WIPF3: variants seen among roughly 807,000 people sequenced by gnomAD.
WIPF3 encodes the protein WAS/WASL interacting protein family member 3.
WIPF3 carries 33 observed loss-of-function variants against 38.9 expected under a neutral mutation model. The observed-to-expected ratio is 0.85, with a 90% CI of 0.64 to 1.14. The LOEUF (loss-of-function observed/expected upper bound fraction) is 1.14. Ranked by LOEUF, WIPF3 falls within the 50% of genes most tolerant of loss-of-function variation. The pLI is 0.00. For missense variants in WIPF3, 711 were observed against 652.5 expected (o/e 1.09, Z -0.98); for synonymous variants, 324 against 269.3 (o/e 1.20, Z -1.99).
At position 29,823,509 on chromosome 7, in the gene WIPF3, A is replaced by C. The variant is rs1464696200; in HGVS notation, c.-57-11159A>C. Among the ~76,000 whole-genome samples the C allele has an allele frequency of 1.3e-5, 2 of 152,184 alleles. No homozygotes were observed. Among genetic ancestry groups the C allele is most frequent in the East Asian group, 3.8e-4 (2 of 5,198 alleles). ...ATATCTCATTTCTAGATTCACATAT[A>C]ACTTTCCCAGTGTTCTGCTAACAAG... On this transcript the variant is annotated intron_variant, in intron 1 of 8. Coordinates refer to ENST00000242140, the MANE Select transcript of WIPF3 (RefSeq NM_001080529.3). This position sits in a 1 kb window ranked among gnomAD's most constrained non-coding sequence, Gnocchi z 4.0.
intron 7 of WIPF3, among the ~76,000 whole-genome samples, chr7:29,898,112 G>A (rs960360031): frequency 2.0e-5 from 3 of 152,158 alleles, no homozygotes; most frequent in Non-Finnish European, 4.4e-5. Flanking sequence ...CACCAGTGGA[G>A]CTCCATGTTG....
At position 29,915,081 on chromosome 7, in the gene WIPF3, T is replaced by G. The variant is rs1786583632; in HGVS notation, c.*565T>G. The G allele has an allele frequency of 2.3e-5, 2 of 86,596 alleles. No individual in the cohort carries two copies. Among genetic ancestry groups the G allele is most frequent in the Admixed American group, 1.1e-4 (1 of 9,426 alleles). 5.4% of individuals were successfully genotyped at this position (86,596 alleles called of 1,614,324 possible). A position where few individuals can be genotyped will look rare whatever the true frequency, so the allele number is the denominator to read the frequency against. On this transcript the variant is annotated 3_prime_UTR_variant, in exon 9 of 9. Coordinates refer to ENST00000242140, the MANE Select transcript of WIPF3 (RefSeq NM_001080529.3). The stretch of plus-strand genomic sequence containing the variant: ...TTCCATTTTGCAGTACAGGGAATTT[T>G]TTTTTTTTTTTTTTTTTTTTTTTTT...
chr7:29,909,579 C>G (rs1194984038), intron 8 of WIPF3, among the ~76,000 whole-genome samples: 1 of 152,088 alleles, frequency 6.6e-6, no homozygotes, highest in Non-Finnish European at 1.5e-5. Flanking sequence ...AAACACAAAA[C>G]CTACCAAGAC....
chr7:29,847,956 C>T (rs1785028504), intron 2 of WIPF3, among the ~76,000 whole-genome samples: 1 of 152,150 alleles, frequency 6.6e-6, no homozygotes, highest in African/African-American at 2.4e-5. Context: ...TCTGAGGCTA[C>T]TTCTGAGGCC....
chr7:29,903,564 A>T (rs1313731508), intron 7 of WIPF3, among the ~76,000 whole-genome samples: 2 of 152,206 alleles, frequency 1.3e-5, no homozygotes, highest in Admixed American at 6.5e-5. Context: ...TACCAGTGCA[A>T]CAGAGGAAAC....
intron 7 of WIPF3, among the ~76,000 whole-genome samples, chr7:29,896,119 C>A (rs1036550472): frequency 2.6e-5 from 4 of 152,068 alleles, no homozygotes; most frequent in Non-Finnish European, 5.9e-5. Flanking sequence ...GCAGCCAGGG[C>A]AACATAGCAA....
chr7:29,901,007 C>T (rs1786264239), intron 7 of WIPF3, among the ~76,000 whole-genome samples: 1 of 152,084 alleles, frequency 6.6e-6, no homozygotes. Flanking sequence ...AATTGCAGCC[C>T]AGGGCTGGTG....
intron 1 of WIPF3, among the ~76,000 whole-genome samples, chr7:29,809,553 T>C (rs1784338358): frequency 6.6e-6 from 1 of 152,270 alleles, no homozygotes; most frequent in Admixed American, 6.5e-5. Flanking sequence ...GATTAATTGC[T>C]TTTTATTTAG....
At chr7:29,841,532 C>T (rs1283210288) in intron 2 of WIPF3, among the ~76,000 whole-genome samples, 2 of 152,186 alleles carry the variant, frequency 1.3e-5, no homozygotes, top group African/African-American at 4.8e-5. Flanking sequence ...TCAATGTTGT[C>T]TGGCACAGTG....
chr7:29,839,107 G>T (rs1391938800), intron 2 of WIPF3, among the ~76,000 whole-genome samples: 1 of 152,140 alleles, frequency 6.6e-6, no homozygotes, highest in Non-Finnish European at 1.5e-5. Flanking sequence ...GGGGACTCAG[G>T]ATCAGAAAGG....
intron 2 of WIPF3, among the ~76,000 whole-genome samples, chr7:29,836,545 A>T (rs1352451566): frequency 1.3e-5 from 2 of 152,220 alleles, no homozygotes; most frequent in African/African-American, 4.8e-5. Context: ...TTTAACCCTA[A>T]AAATACCAAA....
chr7:29,808,064 G>A (rs1431216802), intron 1 of WIPF3, among the ~76,000 whole-genome samples: 2 of 152,156 alleles, frequency 1.3e-5, no homozygotes, highest in Non-Finnish European at 2.9e-5. Context: ...CATGAGGGAG[G>A]CTTCTGGGAT....
intron 2 of WIPF3, among the ~76,000 whole-genome samples, chr7:29,850,496 C>T (rs565024379): frequency 2.6e-4 from 39 of 152,298 alleles, no homozygotes; most frequent in African/African-American, 8.7e-4. Context: ...GGGCCTCTCC[C>T]GAGCTGGAGG....
chr7:29,862,334 C>T (rs1167215083), intron 2 of WIPF3, among the ~76,000 whole-genome samples: 5 of 152,024 alleles, frequency 3.3e-5, no homozygotes, highest in African/African-American at 4.8e-5. Flanking sequence ...TGGTTGTTTC[C>T]GGATGTCTAA....
intron 4 of WIPF3, among the ~76,000 whole-genome samples, chr7:29,883,464 A>G (rs1726574665): frequency 6.6e-6 from 1 of 152,224 alleles, no homozygotes; most frequent in South Asian, 2.1e-4. Flanking sequence ...AAATTAGAGC[A>G]TAAGGGCTGA....
intron 1 of WIPF3, among the ~76,000 whole-genome samples, chr7:29,821,116 C>A (rs919181735): frequency 6.6e-6 from 1 of 152,116 alleles, no homozygotes; most frequent in African/African-American, 2.4e-5. Flanking sequence ...AAGAAACACA[C>A]ATTTTGCATG....
chr7:29,841,300 A>G (rs1784909787), intron 2 of WIPF3, among the ~76,000 whole-genome samples: 1 of 151,860 alleles, frequency 6.6e-6, no homozygotes, highest in African/African-American at 2.4e-5. Flanking sequence ...TCAGCCTTCT[A>G]CCTCTCTCCC....
chr7:29,813,517 A>G (rs1035640579), intron 1 of WIPF3, among the ~76,000 whole-genome samples: 3 of 152,216 alleles, frequency 2.0e-5, no homozygotes, highest in Admixed American at 2.0e-4. Context: ...TCTTTCTGAC[A>G]CTTTACTTGT....
rs1784564942 is a variant in WIPF3, at chr7:29,823,005, C to G, written c.-57-11663C>G. On this transcript the variant is annotated intron_variant, in intron 1 of 8. Coordinates refer to ENST00000242140, the MANE Select transcript of WIPF3 (RefSeq NM_001080529.3). This position sits in a 1 kb window ranked among gnomAD's most constrained non-coding sequence, Gnocchi z 4.0. Reference sequence around the variant, plus strand: ...CTTTAAAAAATTACATTTGGAAAAACTTTGTTTTTTGGACAGGATCATATG... The same window carrying G: ...CTTTAAAAAATTACATTTGGAAAAAGTTTGTTTTTTGGACAGGATCATATG... Among the ~76,000 whole-genome samples, 1 of 152,162 alleles carries G rather than the reference C, an allele frequency of 6.6e-6. No individual in the cohort carries two copies. Among genetic ancestry groups the G allele is most frequent in the South Asian group, 2.1e-4 (1 of 4,826 alleles).
Sources: gnomAD v4.1 joint callset for allele counts (sites outside exome capture counted in the v4.1 genomes callset) on GRCh38, gnomAD v4.1.1 for gene constraint, Gnocchi (gnomAD v3.1) non-coding constraint, MANE v1.5 for transcripts, NCBI Gene and HGNC (gene_info 2026-07-23, HGNC 2026-07-21) for gene names.